HUWE1: variants seen among roughly 807,000 people sequenced by gnomAD.
HUWE1 encodes HECT, UBA and WWE domain containing E3 ubiquitin protein ligase 1.
A neutral mutation model predicts 299.4 loss-of-function variants in HUWE1; 18 were observed. That is an observed-to-expected ratio of 0.06 (90% CI 0.04 to 0.09). HUWE1 has a LOEUF of 0.09. HUWE1 is among the 10% of genes least tolerant of loss of function. The pLI, the probability that HUWE1 is intolerant of heterozygous loss-of-function variation, is 1.00. For synonymous variants in HUWE1, 1,317 were observed against 1,286.1 expected, an observed-to-expected ratio of 1.02 and a Z score of -0.51; for missense variants, 1,832 against 3,462.3, an observed-to-expected ratio of 0.53 and a Z score of 11.82.
At chrX:53,582,951 G>C (rs1294610741) in intron 42 of HUWE1, among the ~76,000 whole-genome samples, 1 of 111,701 alleles carries the variant, frequency 9.0e-6, no homozygotes, top group Non-Finnish European at 1.9e-5. Context: ...TGGGATTAGA[G>C]GCATGAGCCA....
At chrX:53,538,709 C>T in intron 76 of HUWE1, 126 bp downstream of exon 76, 9 of 613,841 alleles carry the variant, frequency 1.5e-5, no homozygotes, top group Non-Finnish European at 2.0e-5. Context: ...CACACACACA[C>T]ACACACACAC....
intron 32 of HUWE1, 90 bp from the exon 33 acceptor site, chrX:53,592,718 C>A: frequency 1.5e-6 from 1 of 647,890 alleles, no homozygotes; most frequent in Admixed American, 2.6e-5. Flanking sequence ...AACAGTCCTT[C>A]CACAACTAGT....
At chrX:53,652,917 G>C (rs782188835) in intron 4 of HUWE1, among the ~76,000 whole-genome samples, 8 of 112,689 alleles carry the variant, frequency 7.1e-5, no homozygotes, top group Middle Eastern at 9.1e-3. Context: ...ATAATTGTGT[G>C]TGCACATGTA....
chrX:53,666,555 T>C (rs782432603), intron 3 of HUWE1, among the ~76,000 whole-genome samples: 139 of 111,550 alleles, frequency 1.2e-3, no homozygotes, highest in African/African-American at 4.3e-3. Flanking sequence ...GCCAGAGCAA[T>C]CTCCCTAAAA....
chrX:53,548,463 G>A (rs934113744), intron 67 of HUWE1, among the ~76,000 whole-genome samples, 190 bp from the exon 68 acceptor site: 2 of 112,769 alleles, frequency 1.8e-5, no homozygotes, highest in Non-Finnish European at 3.7e-5. Context: ...GGGCTTTGTA[G>A]CAATACAGAC....
rs376065998 is a variant in HUWE1, at chrX:53,686,645, T to C, written c.-319A>G. ...AGCGTGCGGGGTCCGCGGCCCTGCT[T>C]CAGCCCTGCTTCAGCCCTGCTCCAG... On this transcript the variant is annotated 5_prime_UTR_variant, in exon 1 of 84. Coordinates refer to ENST00000262854, the MANE Select transcript of HUWE1 (RefSeq NM_031407.7). 20 of 111,892 alleles carry C rather than the reference T, an allele frequency of 1.8e-4. No individual in the cohort carries two copies. Among genetic ancestry groups the C allele is most frequent in the East Asian group, 8.8e-4 (3 of 3,422 alleles). The allele number at this position is 111,892 out of a possible 1,213,427, so 9.2% of individuals were successfully genotyped here.
intron 48 of HUWE1, among the ~76,000 whole-genome samples, chrX:53,569,138 C>T (rs2062705026): frequency 9.0e-6 from 1 of 111,341 alleles, no homozygotes; most frequent in African/African-American, 3.3e-5. Context: ...GTGACACTCC[C>T]ACCTCAGCCT....
chrX:53,657,521 G>A (rs1473599468), intron 3 of HUWE1, among the ~76,000 whole-genome samples: 3 of 111,033 alleles, frequency 2.7e-5, no homozygotes, highest in Non-Finnish European at 3.8e-5. Context: ...GTGAGACTCC[G>A]TCTCAAAAAA....
intron 9 of HUWE1, 128 bp downstream of exon 9, chrX:53,632,359 T>C (rs1470899093): frequency 7.6e-6 from 4 of 527,186 alleles, no homozygotes; most frequent in Non-Finnish European, 1.4e-5. Context: ...GCTAGGTATA[T>C]TTATAGTTTG....
rs375148199 is a variant in HUWE1 at position 53,562,786 on chromosome X, C to T, written c.7204+45G>A. On this transcript the variant is annotated intron_variant, in intron 53 of 83. Transcript: ENST00000262854. The stretch of plus-strand genomic sequence containing the variant: ...AAACCCTAGTGTAGTGTCTGTCAGA[C>T]GTGCAGGGCAAGAAGGGAGGCCTTT... 5.2e-5 allele frequency: 54 copies of T among 1,031,484 alleles called. 1 individual carries two copies. The Admixed American group carries it at 1.0e-3, about 19-fold the overall frequency. 85.0% of individuals were successfully genotyped at this position (1,031,484 alleles called of 1,213,427 possible).
At chrX:53,600,894 T>C (rs781872337) in intron 28 of HUWE1, among the ~76,000 whole-genome samples, 10 of 112,415 alleles carry the variant, frequency 8.9e-5, no homozygotes, top group African/African-American at 3.2e-4. Context: ...GTTAAATTGC[T>C]AGAAAAAATA....
intron 28 of HUWE1, among the ~76,000 whole-genome samples, chrX:53,602,327 C>A (rs782767841): frequency 5.5e-4 from 29 of 52,434 alleles, no homozygotes; most frequent in African/African-American, 2.1e-3. Context: ...GCAGACACTT[C>A]CAAAATGTTT....
chrX:53,647,206 T>C (rs1457351836), intron 6 of HUWE1, among the ~76,000 whole-genome samples, 162 bp downstream of exon 6: 1 of 111,883 alleles, frequency 8.9e-6, no homozygotes, highest in Non-Finnish European at 1.9e-5. Flanking sequence ...CTATGAAGGA[T>C]AGTATCTATA....
intron 28 of HUWE1, 139 bp downstream of exon 28, chrX:53,602,425 G>C: frequency 2.5e-6 from 1 of 399,924 alleles, no homozygotes; most frequent in East Asian, 4.2e-5. Flanking sequence ...TTTTATGGAA[G>C]AAATGACTAA....
chrX:53,656,554 AAAAAAAAG>A (rs1198158619), intron 3 of HUWE1, among the ~76,000 whole-genome samples: 70 of 94,206 alleles, frequency 7.4e-4, no homozygotes, highest in Non-Finnish European at 1.0e-3. Context: ...AAAAAAAAAA[AAAAAAAAG>A]AAAAATCAAA....
chrX:53,608,210 T>A (rs1330899122), intron 24 of HUWE1, among the ~76,000 whole-genome samples: 1 of 111,664 alleles, frequency 9.0e-6, no homozygotes, highest in Non-Finnish European at 1.9e-5. Flanking sequence ...CAAGACAAAC[T>A]ATCTCTGGAA....
chrX:53,653,294 T>C (rs183778369), intron 4 of HUWE1, among the ~76,000 whole-genome samples: 51 of 112,461 alleles, frequency 4.5e-4, no homozygotes, highest in Non-Finnish European at 7.5e-4. Flanking sequence ...CCAGATACTA[T>C]GCTAAGCAAT....
intron 46 of HUWE1, among the ~76,000 whole-genome samples, chrX:53,574,275 G>A (rs1464806073): frequency 3.6e-5 from 4 of 111,857 alleles, no homozygotes; most frequent in South Asian, 3.7e-4. Context: ...TCTTTCTTCC[G>A]TCTGCCTGGC....
intron 49 of HUWE1, among the ~76,000 whole-genome samples, chrX:53,567,820 T>C (rs1002429297): frequency 4.5e-5 from 5 of 111,216 alleles, no homozygotes; most frequent in African/African-American, 1.6e-4. Context: ...ACAATTATCA[T>C]GGGAGATGTG....
Sources: allele counts gnomAD v4.1 joint callset (sites outside exome capture counted in the v4.1 genomes callset), GRCh38; gene constraint gnomAD v4.1.1; transcripts MANE v1.5; gene names NCBI Gene and HGNC (gene_info 2026-07-23, HGNC 2026-07-21).